CREB3L2: variants seen among roughly 807,000 people sequenced by gnomAD.
CREB3L2 encodes cAMP responsive element binding protein 3 like 2.
In CREB3L2, 23 loss-of-function variants were observed where a neutral mutation model predicts 57.2. The ratio of observed to expected loss-of-function variants is 0.40; its 90% CI spans 0.29 to 0.57. The LOEUF (loss-of-function observed/expected upper bound fraction) is 0.57. Ranked by LOEUF, CREB3L2 falls within the 20% of genes least tolerant of loss-of-function variation. The probability of loss-of-function intolerance (pLI) is 0.42; values close to 1 mark genes in which losing one functional copy is unlikely to be tolerated. For synonymous variants in CREB3L2, 268 were observed against 265.1 expected, an observed-to-expected ratio of 1.01 and a Z score of -0.11; for missense variants, 628 against 634.7, an observed-to-expected ratio of 0.99 and a Z score of 0.11.
At chr7:137,938,160 T>C (rs273986) in intron 1 of CREB3L2, among the ~76,000 whole-genome samples, 79,892 of 151,954 alleles carry the variant, frequency 0.53, 22,346 homozygotes, top group East Asian at 0.81. Flanking sequence ...AACCCTAATG[T>C]GAACTATGGA....
chr7:137,952,078 T>C (rs1563263857), intron 1 of CREB3L2, among the ~76,000 whole-genome samples: 1 of 152,228 alleles, frequency 6.6e-6, no homozygotes, highest in African/African-American at 2.4e-5. Flanking sequence ...TTTGGTAATA[T>C]GTTATTTTCG....
chr7:137,913,178 GCCCT>G, intron 3 of CREB3L2, 100 bp from the exon 4 acceptor site: 2 of 1,207,002 alleles, frequency 1.7e-6, no homozygotes, highest in Non-Finnish European at 2.3e-6. Flanking sequence ...TCTCGGGACA[GCCCT>G]GCCTATCCTG....
chr7:137,907,321 A>G (rs184426760), intron 5 of CREB3L2, among the ~76,000 whole-genome samples: 19 of 152,330 alleles, frequency 1.2e-4, no homozygotes, highest in African/African-American at 4.3e-4. Flanking sequence ...TTCCTCCATA[A>G]ACATGTAGAA....
At chr7:137,941,783 A>T (rs1349419154) in intron 1 of CREB3L2, among the ~76,000 whole-genome samples, 1 of 152,242 alleles carries the variant, frequency 6.6e-6, no homozygotes, top group Admixed American at 6.5e-5. Context: ...TAGAAGAATT[A>T]CTTTGGCATA....
At chr7:137,918,032 C>T (rs905743822) in intron 2 of CREB3L2, among the ~76,000 whole-genome samples, 3 of 152,048 alleles carry the variant, frequency 2.0e-5, no homozygotes, top group Admixed American at 1.3e-4. Flanking sequence ...AACTGGACCA[C>T]GAGCCAAAAG....
chr7:137,921,461 C>G (rs1800272523), intron 2 of CREB3L2, among the ~76,000 whole-genome samples: 1 of 152,260 alleles, frequency 6.6e-6, no homozygotes, highest in African/African-American at 2.4e-5. Flanking sequence ...GGCTAGATGC[C>G]AAGTTATCAA....
intron 8 of CREB3L2, among the ~76,000 whole-genome samples, chr7:137,899,828 C>T (rs1799715810): frequency 1.3e-5 from 2 of 152,158 alleles, no homozygotes; most frequent in Admixed American, 1.3e-4. Flanking sequence ...TATTAGCTGG[C>T]TTTTTGAGCA....
chr7:138,001,750 G>A lies in CREB3L2; in HGVS notation c.-45C>T. 7.0e-7 allele frequency: 1 copy of A among 1,429,134 alleles called. No homozygotes were observed. Among genetic ancestry groups the A allele is most frequent in the South Asian group, 1.3e-5 (1 of 78,316 alleles). The allele number at this position is 1,429,134 out of a possible 1,614,324, so 88.5% of individuals were successfully genotyped here. A position where few individuals can be genotyped will look rare whatever the true frequency, so the allele number is the denominator to read the frequency against. On this transcript the variant is annotated 5_prime_UTR_variant, in exon 1 of 12. Transcript: ENST00000330387. The surrounding 1 kb of genome is among the most constrained non-coding windows in gnomAD (Gnocchi z 4.2). Reference sequence around the variant, plus strand: ...GGCCGAGGATGCTAAGCGCAGGAGGGGACGCGCAGAGCTGCCTCGGACCGG... The same window carrying A: ...GGCCGAGGATGCTAAGCGCAGGAGGAGACGCGCAGAGCTGCCTCGGACCGG...
intron 8 of CREB3L2, among the ~76,000 whole-genome samples, chr7:137,886,552 T>C (rs1417451223): frequency 6.6e-6 from 1 of 150,964 alleles, no homozygotes; most frequent in African/African-American, 2.5e-5. Flanking sequence ...AGCTCAAGCC[T>C]GTGGTTCTTA....
chr7:137,920,856 C>T (rs1800260238), intron 2 of CREB3L2, among the ~76,000 whole-genome samples: 1 of 152,202 alleles, frequency 6.6e-6, no homozygotes, highest in African/African-American at 2.4e-5. Context: ...TGGAGGTTGG[C>T]TTGTACTCTC....
intron 1 of CREB3L2, among the ~76,000 whole-genome samples, chr7:137,951,144 T>C (rs939537032): frequency 1.3e-5 from 2 of 152,206 alleles, no homozygotes; most frequent in African/African-American, 4.8e-5. Context: ...CTTTTCATGG[T>C]CTATTTAGTG....
At position 137,877,589 on chromosome 7, in the gene CREB3L2, C is replaced by T. The variant is rs1266337697; in HGVS notation, c.*2887G>A. 1 of 226,126 alleles carries T rather than the reference C, an allele frequency of 4.4e-6. No individual in the cohort carries two copies. The highest frequency in any genetic ancestry group is 5.7e-5 in the Admixed American group (1 of 17,540). 14.0% of individuals were successfully genotyped at this position (226,126 alleles called of 1,614,324 possible). A position where few individuals can be genotyped will look rare whatever the true frequency, so the allele number is the denominator to read the frequency against. ...TCTCTGAATCTTTGCAAAACATCTCCTTCACTGGTGCAATCTAAGAAAGGG... is the reference window on the plus strand; with the variant it reads ...TCTCTGAATCTTTGCAAAACATCTCTTTCACTGGTGCAATCTAAGAAAGGG... On this transcript the variant is annotated 3_prime_UTR_variant, in exon 12 of 12. Coordinates refer to ENST00000330387, the MANE Select transcript of CREB3L2 (RefSeq NM_194071.4).
At chr7:137,881,543 T>A (rs1799291355) in intron 11 of CREB3L2, among the ~76,000 whole-genome samples, 1 of 152,254 alleles carries the variant, frequency 6.6e-6, no homozygotes, top group Non-Finnish European at 1.5e-5. Flanking sequence ...ATGTTAAATA[T>A]GTATGTATAA....
chr7:138,001,604 C>T lies in CREB3L2; in HGVS notation c.102G>A (p.Thr34=). ...CCTGCCCCGCCCGCCGGGTCCTCACCGTGTGGTACATGAGGGCCTCGCCGT... is the reference window on the plus strand; with the variant it reads ...CCTGCCCCGCCCGCCGGGTCCTCACTGTGTGGTACATGAGGGCCTCGCCGT... ...PGDGEALMYH[T]HFSELLDEFS... Residue 34 remains threonine, a splice_region_variant and synonymous_variant, in exon 1 of 12, where the codon ACG becomes ACA. Transcript: ENST00000330387. The surrounding 1 kb of genome is among the most constrained non-coding windows in gnomAD (Gnocchi z 4.2). 6.2e-7 allele frequency: 1 copy of T among 1,610,796 alleles called. No homozygotes were observed. Among genetic ancestry groups the T allele is most frequent in the Non-Finnish European group, 8.5e-7 (1 of 1,178,080 alleles).
Position 137,957,052 on chromosome 7 carries a change from C to T in CREB3L2, c.103-28686G>A, listed in dbSNP as rs181022898. 2.4e-4 allele frequency among the ~76,000 whole-genome samples: 36 copies of T among 152,046 alleles called. No homozygotes were observed. In the East Asian group the frequency reaches 5.8e-3, roughly 25 times the overall value. ...ATAAAATGTTTTGTCTTTTCTTCTT[C>T]GGCCTCTCCACTCCACTGGGTTCCC... On this transcript the variant is annotated intron_variant, in intron 1 of 11. Coordinates refer to ENST00000330387, the MANE Select transcript of CREB3L2 (RefSeq NM_194071.4).
intron 1 of CREB3L2, among the ~76,000 whole-genome samples, chr7:137,942,912 C>T (rs982980238): frequency 6.6e-6 from 1 of 152,092 alleles, no homozygotes; most frequent in Non-Finnish European, 1.5e-5. Flanking sequence ...TCAGAAAGTA[C>T]ACAAGGTTTG....
At chr7:137,920,688 A>G (rs1257010285) in intron 2 of CREB3L2, among the ~76,000 whole-genome samples, 1 of 152,240 alleles carries the variant, frequency 6.6e-6, no homozygotes, top group Non-Finnish European at 1.5e-5. Context: ...TATGGATCAT[A>G]TCAATAAATG....
intron 6 of CREB3L2, among the ~76,000 whole-genome samples, chr7:137,905,461 G>A (rs556505746): frequency 5.3e-5 from 8 of 151,602 alleles, no homozygotes; most frequent in South Asian, 2.1e-4. Context: ...TATCATCGTG[G>A]GCACCAAAGA....
rs1237366324 is a variant in CREB3L2, at chr7:137,908,563, G to C, written c.584-127C>G. 4 of 564,096 alleles carry C rather than the reference G, an allele frequency of 7.1e-6. No individual in the cohort carries two copies. The Admixed American group carries it at 1.7e-4, about 25-fold the overall frequency. The allele number at this position is 564,096 out of a possible 1,614,324, so 34.9% of individuals were successfully genotyped here. A position where few individuals can be genotyped will look rare whatever the true frequency, so the allele number is the denominator to read the frequency against. On this transcript the variant is annotated intron_variant, in intron 4 of 11. Coordinates refer to ENST00000330387, the MANE Select transcript of CREB3L2 (RefSeq NM_194071.4). ...GACCTGGACAGATCTCCAAGGTGCA[G>C]AGCGTGGATATGGGAGTCCTCCTTT...
Sources: gnomAD v4.1 joint callset for allele counts (sites outside exome capture counted in the v4.1 genomes callset) on GRCh38, gnomAD v4.1.1 for gene constraint, Gnocchi (gnomAD v3.1) non-coding constraint, MANE v1.5 for transcripts, NCBI Gene and HGNC (gene_info 2026-07-23, HGNC 2026-07-21) for gene names.